Variants in COL4A3 observed in about 807,000 individuals in gnomAD.
COL4A3 encodes collagen alpha-3(IV) chain.
Under a neutral mutation model 217.4 loss-of-function variants are expected in COL4A3, and 135 were observed. That is an observed-to-expected ratio of 0.62 (90% CI 0.54 to 0.72). COL4A3 has a LOEUF of 0.72. Among genes scored for constraint, COL4A3 ranks in the 30% least tolerant of loss-of-function variants. The pLI, the probability that COL4A3 is intolerant of heterozygous loss-of-function variation, is 0.00. For synonymous variants in COL4A3, 690 were observed against 736.3 expected (o/e 0.94, Z 1.02); for missense variants, 1,868 against 2,119.9 (o/e 0.88, Z 2.33).
chr2:227,299,320 G>A (rs1011874695), intron 43 of COL4A3, among the ~76,000 whole-genome samples: 14 of 152,166 alleles, frequency 9.2e-5, no homozygotes, highest in Admixed American at 6.5e-4. Flanking sequence ...GCGTGAACCC[G>A]GGAGGCGGAG....
intron 1 of COL4A3, among the ~76,000 whole-genome samples, chr2:227,176,222 A>G (rs1319918224): frequency 6.6e-6 from 1 of 152,220 alleles, no homozygotes; most frequent in African/African-American, 2.4e-5. Flanking sequence ...ATGGAAGGTT[A>G]AAAATCCACC....
At chr2:227,298,522 T>A (rs2073134235) in intron 42 of COL4A3, among the ~76,000 whole-genome samples, 160 bp from the exon 43 acceptor site, 1 of 152,212 alleles carries the variant, frequency 6.6e-6, no homozygotes, top group African/African-American at 2.4e-5. Flanking sequence ...TGGCATCATC[T>A]TCTCCTGTCT....
At chr2:227,215,711 G>A (rs898231962) in intron 1 of COL4A3, among the ~76,000 whole-genome samples, 1 of 152,038 alleles carries the variant, frequency 6.6e-6, no homozygotes, top group Non-Finnish European at 1.5e-5. Context: ...CACCCGCCTC[G>A]GCCTCCCAAA....
Position 227,280,494 on chromosome 2 carries a change from G to A in COL4A3, c.2278G>A (p.Glu760Lys), listed in dbSNP as rs2071886859. ...ACCAGGAACACCAGGTTTTCCAGGA[G>A]AAAGAGGCAATTCTGGGGAACATGG... ...GGPGTPGFPG[E>K]RGNSGEHGEI... The change falls in exon 30 of 52, where the codon GAA becomes AAA. Residue 760 changes from glutamate (E) to lysine (K), a missense_variant. Around this residue, in one of 2 missense-constraint regions of COL4A3, gnomAD observed 1,503 missense variants for 1,786.1 expected, o/e 0.84. Coordinates refer to ENST00000396578, the MANE Select transcript of COL4A3 (RefSeq NM_000091.5). 1 of 1,614,176 alleles carries A rather than the reference G, an allele frequency of 6.2e-7. No individual in the cohort carries two copies. The highest frequency in any genetic ancestry group is 8.5e-7 in the Non-Finnish European group (1 of 1,180,024).
intron 1 of COL4A3, among the ~76,000 whole-genome samples, chr2:227,204,463 A>T (rs1295927342): frequency 6.6e-6 from 1 of 152,086 alleles, no homozygotes; most frequent in Non-Finnish European, 1.5e-5. Context: ...GACTCTCACA[A>T]ACATTGCTTA....
intron 1 of COL4A3, among the ~76,000 whole-genome samples, chr2:227,178,304 C>T (rs1475165356): frequency 1.3e-5 from 2 of 152,078 alleles, no homozygotes; most frequent in African/African-American, 4.8e-5. Context: ...ATCGCTTGAG[C>T]CCTGCAGAGT....
At position 227,303,153 on chromosome 2, in the gene COL4A3, C is replaced by T. The variant is rs1376587941; in HGVS notation, c.3955+43C>T. The T allele has an allele frequency of 2.6e-6, 4 of 1,519,224 alleles. No individual in the cohort carries two copies. The African/African-American group carries it at 4.1e-5, about 16-fold the overall frequency. The allele number at this position is 1,519,224 out of a possible 1,614,324, so 94.1% of individuals were successfully genotyped here. A position where few individuals can be genotyped will look rare whatever the true frequency, so the allele number is the denominator to read the frequency against. On this transcript the variant is annotated intron_variant, in intron 44 of 51. Coordinates refer to ENST00000396578, the MANE Select transcript of COL4A3 (RefSeq NM_000091.5). The stretch of plus-strand genomic sequence containing the variant: ...TGCTCTTTATATGCAAATACCATAA[C>T]CTCAATTCATATTTTAGGGCACACA...
In COL4A3 at chr2:227,311,919, T is replaced by G. The variant is rs751973840; in HGVS notation, c.*49T>G. The G allele has an allele frequency of 6.2e-7, 1 of 1,610,262 alleles. No homozygotes were observed. The highest frequency in any genetic ancestry group is 8.5e-7 in the Non-Finnish European group (1 of 1,177,810). On this transcript the variant is annotated 3_prime_UTR_variant, in exon 52 of 52. Coordinates refer to ENST00000396578, the MANE Select transcript of COL4A3 (RefSeq NM_000091.5). Reference sequence around the variant, plus strand: ...CTATTTTTCATCCTAAAGAACAAAGTAATGACAGAACATGCTGTTATTTAG... The same window carrying G: ...CTATTTTTCATCCTAAAGAACAAAGGAATGACAGAACATGCTGTTATTTAG...
intron 1 of COL4A3, among the ~76,000 whole-genome samples, chr2:227,200,536 A>G (rs1032924987): frequency 1.3e-5 from 2 of 152,214 alleles, no homozygotes; most frequent in African/African-American, 4.8e-5. Flanking sequence ...GCCCTATTTT[A>G]GAAAACAAGG....
At chr2:227,185,719 C>T (rs1368882604) in intron 1 of COL4A3, among the ~76,000 whole-genome samples, 2 of 152,180 alleles carry the variant, frequency 1.3e-5, no homozygotes, top group African/African-American at 4.8e-5. Flanking sequence ...AGAAGGAAAG[C>T]CTTAGGCTAC....
At chr2:227,237,778 C>G in intron 1 of COL4A3, 190 bp from the exon 2 acceptor site, 1 of 541,258 alleles carries the variant, frequency 1.8e-6, no homozygotes, top group East Asian at 3.7e-5. Context: ...GCAACATGTT[C>G]TCAGTTTTCT....
intron 34 of COL4A3, among the ~76,000 whole-genome samples, chr2:227,288,355 C>T (rs182113078): frequency 6.6e-6 from 1 of 152,304 alleles, no homozygotes; most frequent in Non-Finnish European, 1.5e-5. Flanking sequence ...CCTCAGCCTC[C>T]CAAAGTGCTG....
At chr2:227,293,080 C>A in intron 37 of COL4A3, 111 bp from the exon 38 acceptor site, 1 of 1,405,006 alleles carries the variant, frequency 7.1e-7, no homozygotes, top group Non-Finnish European at 9.9e-7. Context: ...ATAGCAGATA[C>A]TAATATGAAT....
At chr2:227,261,566 T>A (rs570400461) in intron 20 of COL4A3, among the ~76,000 whole-genome samples, 7 of 152,206 alleles carry the variant, frequency 4.6e-5, no homozygotes, top group Non-Finnish European at 7.4e-5. Context: ...TAAATTGTCA[T>A]CTTTGCAATT....
chr2:227,282,310 TTAG>T lies in COL4A3; in HGVS notation c.2489-51_2489-49del. 2.7e-6 allele frequency: 3 copies of T among 1,095,432 alleles called. No individual in the cohort carries two copies. The South Asian group carries it at 3.8e-5, about 14-fold the overall frequency. The allele number at this position is 1,095,432 out of a possible 1,614,324, so 67.9% of individuals were successfully genotyped here. On this transcript the variant is annotated intron_variant, in intron 31 of 51. Transcript: ENST00000396578. The surrounding 1 kb of genome is among the most constrained non-coding windows in gnomAD (Gnocchi z 4.4). ...TATATATATATATATATTTCTGAAG[TTAG>T]TAGGGGAAAGCATTTGTGGGTTAAT...
intron 23 of COL4A3, among the ~76,000 whole-genome samples, chr2:227,269,598 C>G (rs924008712): frequency 3.3e-5 from 5 of 151,976 alleles, no homozygotes; most frequent in African/African-American, 1.2e-4. Context: ...GATTTTTAGT[C>G]TCTTCTTTCT....
At chr2:227,305,798 C>A (rs1262215877) in intron 47 of COL4A3, 1 of 152,152 alleles carries the variant, frequency 6.6e-6, no homozygotes, top group Non-Finnish European at 1.5e-5. Context: ...CAACATCTAC[C>A]TTCTGCAGAT....
Position 227,308,984 on chromosome 2 carries a change from A to T in COL4A3, c.4548A>T (p.Arg1516=). Residue 1516 remains arginine, a synonymous_variant, in exon 49 of 52, where the codon CGA becomes CGT. Transcript: ENST00000396578. ...NVNDVCNFAS[R]NDYSYWLSTP... ...ATGATGTATGTAATTTTGCATCTCG[A>T]AATGATTATTCATACTGGCTGTCAA... 1 of 1,614,222 alleles carries T rather than the reference A, an allele frequency of 6.2e-7. No homozygotes were observed. Among genetic ancestry groups the T allele is most frequent in the South Asian group, 1.1e-5 (1 of 91,086 alleles).
At position 227,266,999 on chromosome 2, in the gene COL4A3, C is replaced by G; in HGVS notation, c.1415C>G (p.Pro472Arg). 6.2e-7 allele frequency: 1 copy of G among 1,611,852 alleles called. No homozygotes were observed. Among genetic ancestry groups the G allele is most frequent in the Non-Finnish European group, 8.5e-7 (1 of 1,177,998 alleles). The change falls in exon 23 of 52, where the codon CCA becomes CGA. Residue 472 changes from proline (P) to arginine (R), a missense_variant. Pro to Arg is a moderately radical substitution (Grantham distance 103, BLOSUM62 -2). Coordinates refer to ENST00000396578, the MANE Select transcript of COL4A3 (RefSeq NM_000091.5). ...IPGVDGPKGE[P>R]GLLCTQCPYI... ...TAGTATGCTCTCATTGCAGGAGAAC[C>G]AGGCCTCCTGTGTACACAGTGCCCT...
Sources: allele counts gnomAD v4.1 joint callset (sites outside exome capture counted in the v4.1 genomes callset), GRCh38; gene constraint gnomAD v4.1.1; regional missense constraint gnomAD v4.1.1; non-coding constraint Gnocchi (gnomAD v3.1); transcripts MANE v1.5; gene names NCBI Gene and HGNC (gene_info 2026-07-23, HGNC 2026-07-21).